The following CDH13 variants were observed in gnomAD, a reference collection of about 807,000 sequenced individuals.
CDH13 encodes the protein cadherin-13.
A neutral mutation model predicts 63.8 loss-of-function variants in CDH13; 24 were observed. The ratio of observed to expected loss-of-function variants is 0.38; its 90% confidence interval spans 0.27 to 0.53. The LOEUF (loss-of-function observed/expected upper bound fraction) is 0.53. CDH13 is among the 20% of genes least tolerant of loss of function. The pLI, the probability that CDH13 is intolerant of heterozygous loss-of-function variation, is 0.85. For synonymous variants in CDH13, 503 were observed against 355.3 expected (o/e 1.42, Z -4.67); for missense variants, 1,049 against 903.1 (o/e 1.16, Z -2.07).
intron 5 of CDH13, among the ~76,000 whole-genome samples, chr16:83,292,319 C>A (rs373664064): frequency 4.6e-5 from 7 of 152,246 alleles, no homozygotes; most frequent in South Asian, 2.1e-4. Context: ...TTCTGCTCTT[C>A]TTCTCATATT....
At chr16:83,512,340 AT>A (rs2074589851) in intron 7 of CDH13, among the ~76,000 whole-genome samples, 2 of 145,138 alleles carry the variant, frequency 1.4e-5, no homozygotes, top group Admixed American at 1.4e-4. Flanking sequence ...AAATAAATAA[AT>A]AAATAAATAA....
At chr16:83,726,384 T>TTTAA (rs1910388035) in intron 10 of CDH13, 1 of 151,826 alleles carries the variant, frequency 6.6e-6, no homozygotes, top group South Asian at 2.1e-4. Flanking sequence ...CATTCATTCA[T>TTTAA]TTATTTATTT....
chr16:83,087,022 C>T (rs1231692345), intron 3 of CDH13, among the ~76,000 whole-genome samples: 10 of 152,106 alleles, frequency 6.6e-5, no homozygotes, highest in South Asian at 2.1e-4. Context: ...CTGGCTTTGG[C>T]GGACTAAGGC....
intron 5 of CDH13, among the ~76,000 whole-genome samples, chr16:83,335,521 C>T (rs1018948659): frequency 2.0e-5 from 3 of 151,962 alleles, no homozygotes; most frequent in African/African-American, 7.3e-5. Context: ...TGTTTCTTGC[C>T]CTAAGGGAGG....
intron 5 of CDH13, among the ~76,000 whole-genome samples, chr16:83,327,441 A>G (rs2090389620): frequency 6.6e-6 from 1 of 152,248 alleles, no homozygotes; most frequent in Non-Finnish European, 1.5e-5. Flanking sequence ...GTCCTCCAGA[A>G]AAAAGGGACT....
In CDH13 at chr16:82,644,738, G is replaced by C. The variant is rs1909878633; in HGVS notation, c.45+17601G>C. 6.6e-6 allele frequency among the ~76,000 whole-genome samples: 1 copy of C among 152,190 alleles called. No homozygotes were observed. Among genetic ancestry groups the C allele is most frequent in the East Asian group, 1.9e-4 (1 of 5,156 alleles). ...AGCTCCCAGGTGACAGGAGTCCGCT[G>C]GGCTCCCTCTGATTCTTAAAGCCTT... is the stretch of plus-strand genomic sequence containing the variant. On this transcript the variant is annotated intron_variant, in intron 1 of 13. Coordinates refer to ENST00000567109, the MANE Select transcript of CDH13 (RefSeq NM_001257.5). The surrounding 1 kb of genome is among the most constrained non-coding windows in gnomAD (Gnocchi z 5.7).
At chr16:82,958,898 T>A (rs1597296707) in intron 2 of CDH13, among the ~76,000 whole-genome samples, 1 of 152,234 alleles carries the variant, frequency 6.6e-6, no homozygotes, top group East Asian at 1.9e-4. Flanking sequence ...TGGGAAGATG[T>A]TAAAGTGGTT....
chr16:83,323,165 CTCTTTCTTTTTTCTT>C (rs1279539217), intron 5 of CDH13, among the ~76,000 whole-genome samples: 3 of 3,068 alleles, frequency 9.8e-4, no homozygotes, highest in African/African-American at 1.1e-3. Context: ...TTCTTTCTTT[CTCTTTCTTTTTTCTT>C]TCTTTCTTTC....
At chr16:82,815,746 C>G (rs1269473799) in intron 1 of CDH13, among the ~76,000 whole-genome samples, 1 of 152,112 alleles carries the variant, frequency 6.6e-6, no homozygotes, top group Non-Finnish European at 1.5e-5. Flanking sequence ...TTGTTGGCCA[C>G]TGTGTGTTGT....
chr16:83,289,923 G>A (rs2089423513), intron 5 of CDH13, among the ~76,000 whole-genome samples: 2 of 152,064 alleles, frequency 1.3e-5, no homozygotes, highest in South Asian at 2.1e-4. Flanking sequence ...CACCTCTATA[G>A]CCAGCACCCA....
intron 1 of CDH13, among the ~76,000 whole-genome samples, chr16:82,848,208 C>T (rs2039344423): frequency 6.6e-6 from 1 of 152,180 alleles, no homozygotes; most frequent in Non-Finnish European, 1.5e-5. Context: ...GAAAATTAGT[C>T]CTGGAGTTGC....
intron 1 of CDH13, among the ~76,000 whole-genome samples, chr16:82,751,066 C>G (rs544315436): frequency 1.3e-5 from 2 of 152,312 alleles, no homozygotes; most frequent in Admixed American, 1.3e-4. Context: ...TCTTTCTTTT[C>G]TCTTCCTGAG....
chr16:83,258,541 G>A (rs1407632243), intron 5 of CDH13, among the ~76,000 whole-genome samples: 1 of 152,198 alleles, frequency 6.6e-6, no homozygotes, highest in Non-Finnish European at 1.5e-5. Context: ...TGGGTACACA[G>A]TGTTCTGTCT....
intron 1 of CDH13, among the ~76,000 whole-genome samples, chr16:82,759,838 T>G (rs2034763924): frequency 6.6e-6 from 1 of 152,114 alleles, no homozygotes; most frequent in Non-Finnish European, 1.5e-5. Flanking sequence ...CCTGACGCAC[T>G]GCGCCTCTGT....
intron 3 of CDH13, among the ~76,000 whole-genome samples, chr16:83,083,155 C>G (rs1394252920): frequency 6.6e-6 from 1 of 152,172 alleles, no homozygotes; most frequent in Non-Finnish European, 1.5e-5. Context: ...TCTCCCATAA[C>G]AAAAGTAATA....
At chr16:82,636,661 G>C (rs114674433) in intron 1 of CDH13, among the ~76,000 whole-genome samples, 7 of 152,086 alleles carry the variant, frequency 4.6e-5, no homozygotes, top group African/African-American at 1.7e-4. Flanking sequence ...TTCTGTTTGT[G>C]GTGTAGTAGG....
chr16:83,046,857 C>T (rs942586390), intron 3 of CDH13, among the ~76,000 whole-genome samples: 5 of 152,140 alleles, frequency 3.3e-5, no homozygotes, highest in Non-Finnish European at 7.3e-5. Flanking sequence ...TTGTGAAATC[C>T]TTCCTGCTGC....
intron 3 of CDH13, among the ~76,000 whole-genome samples, chr16:83,070,855 GCCCC>G (rs34273611): frequency 8.2e-6 from 1 of 121,810 alleles, no homozygotes. Flanking sequence ...GTAATAAACA[GCCCC>G]CCCCCCCCCA....
chr16:83,191,556 T>TATATAC (rs1555510585), intron 4 of CDH13, among the ~76,000 whole-genome samples: 1 of 126,864 alleles, frequency 7.9e-6, no homozygotes, highest in African/African-American at 2.9e-5. Context: ...TATATATATA[T>TATATAC]ACACACACAC....
Sources: allele counts gnomAD v4.1 joint callset (sites outside exome capture counted in the v4.1 genomes callset), GRCh38; gene constraint gnomAD v4.1.1; non-coding constraint Gnocchi (gnomAD v3.1); transcripts MANE v1.5; gene names NCBI Gene and HGNC (gene_info 2026-07-23, HGNC 2026-07-21).